Variants in PTPRN2 observed in about 807,000 individuals in gnomAD.
PTPRN2 encodes protein tyrosine phosphatase receptor type N2.
In PTPRN2, 74 loss-of-function variants were observed where a neutral mutation model predicts 118.8. The observed-to-expected ratio is 0.62, with a 90% CI of 0.52 to 0.76. The LOEUF (loss-of-function observed/expected upper bound fraction) is 0.76, where lower values mean the gene tolerates loss of function less well. Ranked by LOEUF, PTPRN2 falls within the 30% of genes least tolerant of loss-of-function variation. The pLI is 0.00. For synonymous variants in PTPRN2, 641 were observed against 608.0 expected, an observed-to-expected ratio of 1.05 and a Z score of -0.80; for missense variants, 1,481 against 1,394.4, an observed-to-expected ratio of 1.06 and a Z score of -0.99.
chr7:157,602,827 G>A (rs1485547126), intron 16 of PTPRN2, among the ~76,000 whole-genome samples: 1 of 152,236 alleles, frequency 6.6e-6, no homozygotes, highest in Non-Finnish European at 1.5e-5. Flanking sequence ...TTCATCCAAA[G>A]CTCCCTATGG....
chr7:158,208,088 T>C (rs905246162), intron 3 of PTPRN2, among the ~76,000 whole-genome samples: 13 of 151,952 alleles, frequency 8.6e-5, no homozygotes, highest in African/African-American at 3.1e-4. Context: ...TAGTTGAAAA[T>C]ATGCCGTCAG....
rs1212994926 is a variant in PTPRN2 at position 157,690,270 on chromosome 7, G to A, written c.1789-7333C>T. 6.6e-6 allele frequency among the ~76,000 whole-genome samples: 1 copy of A among 152,188 alleles called. No homozygotes were observed. The highest frequency in any genetic ancestry group is 1.5e-5 in the Non-Finnish European group (1 of 68,024). ...TAGACCCACTTGGGGATGATCCCAG[G>A]CGCAGCTCTCCCCTGCCGGCCCAAG... On this transcript the variant is annotated intron_variant, in intron 12 of 22. Transcript: ENST00000389418. This position sits in a 1 kb window ranked among gnomAD's most constrained non-coding sequence, Gnocchi z 7.1.
Position 158,446,636 on chromosome 7 carries a change from G to T in PTPRN2, c.163+43099C>A, listed in dbSNP as rs184297343. 5.0e-3 allele frequency among the ~76,000 whole-genome samples: 762 copies of T among 152,396 alleles called. 5 individuals carry two copies. The highest frequency in any genetic ancestry group is 0.017 in the African/African-American group (711 of 41,600). On this transcript the variant is annotated intron_variant, in intron 2 of 22. Transcript: ENST00000389418. ...CACGGAGCAGCTTGAAAATCCAATG[G>T]TCCCTGGTGTAATTTCCTCAGAGAT...
intron 5 of PTPRN2, among the ~76,000 whole-genome samples, chr7:158,188,808 G>A (rs933776357): frequency 6.6e-5 from 10 of 152,184 alleles, no homozygotes; most frequent in Admixed American, 3.3e-4. Context: ...ACTCCGGGGC[G>A]TGTGTTGAGA....
chr7:158,236,192 G>A (rs1056037148), intron 3 of PTPRN2, among the ~76,000 whole-genome samples: 7 of 152,144 alleles, frequency 4.6e-5, no homozygotes, highest in East Asian at 1.9e-4. Context: ...AGCCCCTTAC[G>A]GTACGTTAGG....
At chr7:157,549,950 T>A (rs1332709763) in intron 21 of PTPRN2, among the ~76,000 whole-genome samples, 1 of 152,052 alleles carries the variant, frequency 6.6e-6, no homozygotes, top group Non-Finnish European at 1.5e-5. Context: ...GAGTCGCAGA[T>A]GAGGAAATAG....
intron 6 of PTPRN2, among the ~76,000 whole-genome samples, chr7:158,154,064 G>C (rs760958054): frequency 6.6e-6 from 1 of 152,174 alleles, no homozygotes; most frequent in Non-Finnish European, 1.5e-5. Context: ...TCAGGAGCCC[G>C]GCAGGCACCC....
In PTPRN2 at chr7:157,671,720, A is replaced by C. The variant is rs978567616; in HGVS notation, c.2001+11005T>G. ...GCTGCTTCTCCATTTTCGGAACTGCACGTCGTTCTGGGGCCCAATTATTCT... is the reference window on the plus strand; with the variant it reads ...GCTGCTTCTCCATTTTCGGAACTGCCCGTCGTTCTGGGGCCCAATTATTCT... On this transcript the variant is annotated intron_variant, in intron 13 of 22. Transcript: ENST00000389418. This position sits in a 1 kb window ranked among gnomAD's most constrained non-coding sequence, Gnocchi z 4.1. 6.6e-6 allele frequency among the ~76,000 whole-genome samples: 1 copy of C among 152,084 alleles called. No individual in the cohort carries two copies. Among genetic ancestry groups the C allele is most frequent in the Non-Finnish European group, 1.5e-5 (1 of 68,014 alleles).
intron 11 of PTPRN2, among the ~76,000 whole-genome samples, chr7:157,951,073 C>A (rs1447895234): frequency 6.6e-6 from 1 of 152,194 alleles, no homozygotes; most frequent in Non-Finnish European, 1.5e-5. Context: ...ACACCCTACT[C>A]TTGAGAGCAC....
intron 11 of PTPRN2, among the ~76,000 whole-genome samples, chr7:158,073,953 A>G (rs1585350844): frequency 6.6e-6 from 1 of 151,742 alleles, no homozygotes; most frequent in Non-Finnish European, 1.5e-5. Context: ...CTCCCCTGGG[A>G]CTCCCCTCCA....
chr7:158,319,953 TCA>T (rs1327813166), intron 2 of PTPRN2, among the ~76,000 whole-genome samples: 2 of 25,420 alleles, frequency 7.9e-5, no homozygotes, highest in Admixed American at 4.1e-4. Context: ...ACAGCCTCCC[TCA>T]CACACACACA....
At chr7:158,487,566 A>G (rs1451034512) in intron 2 of PTPRN2, among the ~76,000 whole-genome samples, 1 of 152,238 alleles carries the variant, frequency 6.6e-6, no homozygotes, top group East Asian at 1.9e-4. Flanking sequence ...AAGATTATAT[A>G]TTCCTACACG....
intron 11 of PTPRN2, among the ~76,000 whole-genome samples, chr7:157,943,444 T>C (rs976728976): frequency 6.6e-6 from 1 of 151,628 alleles, no homozygotes; most frequent in Non-Finnish European, 1.5e-5. Context: ...TCCAACAATG[T>C]CTCCACAGGA....
chr7:158,282,096 G>A (rs1180042977), intron 3 of PTPRN2, among the ~76,000 whole-genome samples: 1 of 151,842 alleles, frequency 6.6e-6, no homozygotes, highest in African/African-American at 2.4e-5. Context: ...CTCCTGAGAA[G>A]CCCTGAACTC....
At chr7:157,708,326 C>T (rs9638110) in intron 12 of PTPRN2, among the ~76,000 whole-genome samples, 48,412 of 152,074 alleles carry the variant, frequency 0.32, 7,964 homozygotes, top group African/African-American at 0.35. Context: ...CCCTGTGTCC[C>T]CTTACGATTA....
In PTPRN2 at chr7:157,941,775, C is replaced by T. The variant is rs73519128; in HGVS notation, c.1724-43038G>A. Among the ~76,000 whole-genome samples the T allele has an allele frequency of 6.5e-3, 984 of 152,308 alleles. 14 individuals are homozygous for T. The highest frequency in any genetic ancestry group is 0.023 in the African/African-American group (935 of 41,554). ...AGTGGGGTCAGCATGTGGCCAGCTG[C>T]TGCCAAGGTCTCCCTCCCAATAGCC... On this transcript the variant is annotated intron_variant, in intron 11 of 22. Transcript: ENST00000389418.
chr7:158,227,234 G>A (rs1341142347), intron 3 of PTPRN2, among the ~76,000 whole-genome samples: 8 of 152,176 alleles, frequency 5.3e-5, no homozygotes, highest in Admixed American at 1.3e-4. Flanking sequence ...AAAAAGAGGT[G>A]CTGAGCAGAG....
At chr7:158,134,143 G>C (rs1818615027) in intron 8 of PTPRN2, 84 bp from the exon 9 acceptor site, 2 of 1,461,992 alleles carry the variant, frequency 1.4e-6, no homozygotes, top group African/African-American at 1.4e-5. Context: ...CCGGGACAGA[G>C]TCACTGTGGG....
intron 1 of PTPRN2, among the ~76,000 whole-genome samples, chr7:158,514,127 G>A (rs571027630): frequency 1.1e-4 from 17 of 152,232 alleles, no homozygotes; most frequent in African/African-American, 3.4e-4. Context: ...TTGCTGTTTC[G>A]TCCAGGACTG....
Sources: gnomAD v4.1 joint callset for allele counts (sites outside exome capture counted in the v4.1 genomes callset) on GRCh38, gnomAD v4.1.1 for gene constraint, Gnocchi (gnomAD v3.1) non-coding constraint, MANE v1.5 for transcripts, NCBI Gene and HGNC (gene_info 2026-07-23, HGNC 2026-07-21) for gene names.